The following NR6A1 variants were observed in gnomAD, a reference collection of about 807,000 sequenced individuals.
The protein encoded by NR6A1 is nuclear receptor subfamily 6 group A member 1, also known as retinoic acid receptor-related testis-associated receptor.
Under a neutral mutation model 59.1 loss-of-function variants are expected in NR6A1, and 7 were observed. The observed-to-expected ratio is 0.12, with a 90% CI of 0.07 to 0.22. The LOEUF (loss-of-function observed/expected upper bound fraction) is 0.22, where lower values mean the gene tolerates loss of function less well. Among genes scored for constraint, NR6A1 ranks in the 10% least tolerant of loss-of-function variants. The pLI is 1.00. For synonymous variants in NR6A1, 243 were observed against 236.1 expected, an observed-to-expected ratio of 1.03 and a Z score of -0.27; for missense variants, 468 against 611.6, an observed-to-expected ratio of 0.77 and a Z score of 2.48.
intron 1 of NR6A1, among the ~76,000 whole-genome samples, chr9:124,748,297 C>T (rs1015777422): frequency 2.0e-5 from 3 of 152,064 alleles, no homozygotes; most frequent in African/African-American, 7.2e-5. Context: ...ATGAGTTTAT[C>T]AAAAGTTGCA....
Position 124,522,565 on chromosome 9 carries a change from AC to A in NR6A1, c.*139del. The A allele has an allele frequency of 1.8e-6, 1 of 556,124 alleles. No individual in the cohort carries two copies. Among genetic ancestry groups the A allele is most frequent in the East Asian group, 3.1e-5 (1 of 32,770 alleles). The allele number at this position is 556,124 out of a possible 1,614,324, so 34.4% of individuals were successfully genotyped here. On this transcript the variant is annotated 3_prime_UTR_variant, in exon 10 of 10. Coordinates refer to ENST00000487099, the MANE Select transcript of NR6A1 (RefSeq NM_033334.4). ...TGAGGTTAAAAAAACAGACAAACAA[AC>A]AAAAACTCTTCTTGCTATGGAGGCA... is the stretch of plus-strand genomic sequence containing the variant.
At chr9:124,563,001 T>C (rs868393653) in intron 2 of NR6A1, among the ~76,000 whole-genome samples, 3 of 152,236 alleles carry the variant, frequency 2.0e-5, no homozygotes, top group African/African-American at 7.2e-5. Flanking sequence ...GGTCTTGTTT[T>C]ACAACAGCTG....
chr9:124,551,352 C>T (rs1431265087), intron 3 of NR6A1, among the ~76,000 whole-genome samples: 1 of 152,174 alleles, frequency 6.6e-6, no homozygotes, highest in African/African-American at 2.4e-5. Flanking sequence ...TACACTGATT[C>T]CAATCTAGCA....
In NR6A1 at chr9:124,538,277, C is replaced by A; in HGVS notation, c.639G>T (p.Gln213His). The change falls in exon 6 of 10, where the codon CAG becomes CAT. Residue 213 changes from glutamine to histidine, a missense_variant. Physicochemically the swap from Gln to His is conservative, Grantham distance 24. Transcript: ENST00000487099. ...GTGGAGGCACAGACATTCCCATGTA[C>A]TGTTCCCTGAAGGCCATGAATCCAT... is the stretch of plus-strand genomic sequence containing the variant. ...ELNGFMAFREQYMGMSVPPHY... is the reference protein window; with the variant it reads ...ELNGFMAFREHYMGMSVPPHY... The A allele has an allele frequency of 1.9e-6, 3 of 1,614,192 alleles. No homozygotes were observed. The highest frequency in any genetic ancestry group is 2.5e-6 in the Non-Finnish European group (3 of 1,180,016).
chr9:124,614,264 C>T (rs553132376), intron 2 of NR6A1, among the ~76,000 whole-genome samples: 1 of 152,168 alleles, frequency 6.6e-6, no homozygotes, highest in South Asian at 2.1e-4. Context: ...GATCAGTGCA[C>T]ATATACGAGA....
intron 2 of NR6A1, among the ~76,000 whole-genome samples, chr9:124,729,453 G>A (rs1157917794): frequency 1.3e-5 from 2 of 152,070 alleles, no homozygotes; most frequent in Non-Finnish European, 2.9e-5. Context: ...GGCATGTGGT[G>A]TGCACATGTA....
At chr9:124,563,670 T>C (rs1564180664) in intron 2 of NR6A1, among the ~76,000 whole-genome samples, 3 of 152,240 alleles carry the variant, frequency 2.0e-5, no homozygotes, top group South Asian at 2.1e-4. Context: ...CCCCTGCTTA[T>C]AGAGTTCAAC....
At chr9:124,611,683 A>T (rs1419217239) in intron 2 of NR6A1, among the ~76,000 whole-genome samples, 1 of 150,712 alleles carries the variant, frequency 6.6e-6, no homozygotes, top group Non-Finnish European at 1.5e-5. Context: ...TAGGAGGTCG[A>T]GGCTCCAGTG....
intron 2 of NR6A1, among the ~76,000 whole-genome samples, chr9:124,638,976 A>G (rs1836696525): frequency 6.6e-6 from 1 of 152,184 alleles, no homozygotes; most frequent in Non-Finnish European, 1.5e-5. Flanking sequence ...GGGAGCTACA[A>G]GTACATAGGT....
intron 2 of NR6A1, among the ~76,000 whole-genome samples, chr9:124,612,486 C>T (rs1380080532): frequency 6.6e-6 from 1 of 152,206 alleles, no homozygotes; most frequent in Non-Finnish European, 1.5e-5. Flanking sequence ...GATACCCCAG[C>T]ATCTCTTCAG....
At position 124,730,954 on chromosome 9, in the gene NR6A1, G is replaced by A. The variant is rs561708808; in HGVS notation, c.142+2354C>T. 5.9e-4 allele frequency among the ~76,000 whole-genome samples: 90 copies of A among 152,300 alleles called. 1 individual carries two copies. In the South Asian group the frequency reaches 0.018, roughly 31 times the overall value. ...CCTAGAGTCTAGAGAACTGGGTGTG[G>A]AGCAGAGAGAACACTCAGTGCTTAA... On this transcript the variant is annotated intron_variant, in intron 2 of 9. Transcript: ENST00000487099.
chr9:124,621,347 G>A (rs1588715485), intron 2 of NR6A1, among the ~76,000 whole-genome samples: 1 of 152,068 alleles, frequency 6.6e-6, no homozygotes, highest in Non-Finnish European at 1.5e-5. Flanking sequence ...GCATACATTG[G>A]GGATTCAAGA....
rs1448678846 is a variant in NR6A1 at position 124,752,344 on chromosome 9, CAAATTA to C, written c.100+18670_100+18675del. The stretch of plus-strand genomic sequence containing the variant: ...ATTCAAAAAGTTTTAAAGATAAAAT[CAAATTA>C]AAATTAAACAATCAATTTTTTTAAA... On this transcript the variant is annotated intron_variant, in intron 1 of 9. Coordinates refer to ENST00000487099, the MANE Select transcript of NR6A1 (RefSeq NM_033334.4). Among the ~76,000 whole-genome samples, 3 of 152,052 alleles carry C rather than the reference CAAATTA, an allele frequency of 2.0e-5. No homozygotes were observed. The East Asian group carries it at 5.8e-4, about 29-fold the overall frequency.
chr9:124,729,161 T>C (rs1038254538), intron 2 of NR6A1, among the ~76,000 whole-genome samples: 9 of 152,142 alleles, frequency 5.9e-5, no homozygotes, highest in African/African-American at 2.4e-5. Context: ...TAGAGATAAG[T>C]TGGGAAGATA....
chr9:124,535,950 T>C lies in NR6A1; in HGVS notation c.1007A>G (p.Tyr336Cys). Residue 336 changes from tyrosine (Y) to cysteine (C), a missense_variant, in exon 7 of 10, where the codon TAC (tyrosine) becomes TGC (cysteine). Tyr to Cys is a radical substitution (Grantham distance 194). This residue lies in a region of NR6A1 where 176 missense variants were observed against 264.0 expected (regional missense o/e 0.67). Coordinates refer to ENST00000487099, the MANE Select transcript of NR6A1 (RefSeq NM_033334.4). ...CAGTTCCCCAAAGATCTGCTTGCTGTAAACGGTGAGGGAAGACAGCAGGAT... is the reference window on the plus strand; with the variant it reads ...CAGTTCCCCAAAGATCTGCTTGCTGCAAACGGTGAGGGAAGACAGCAGGAT... ...ELILLSSLTV[Y>C]SKQIFGELAD... 6.2e-7 allele frequency: 1 copy of C among 1,614,162 alleles called. No individual in the cohort carries two copies. The highest frequency in any genetic ancestry group is 8.5e-7 in the Non-Finnish European group (1 of 1,180,024).
chr9:124,634,690 C>T (rs1211138499), intron 2 of NR6A1, among the ~76,000 whole-genome samples: 5 of 152,058 alleles, frequency 3.3e-5, no homozygotes, highest in East Asian at 1.9e-4. Context: ...GGCATGGTGG[C>T]GGGCGCCTGT....
intron 3 of NR6A1, among the ~76,000 whole-genome samples, chr9:124,545,015 A>G (rs77519746): frequency 1.6e-3 from 246 of 152,262 alleles, no homozygotes; most frequent in African/African-American, 5.7e-3. Context: ...AAATTAACAT[A>G]AGGAATCTAG....
chr9:124,686,120 T>C (rs1470529899), intron 2 of NR6A1, among the ~76,000 whole-genome samples: 1 of 152,196 alleles, frequency 6.6e-6, no homozygotes, highest in African/African-American at 2.4e-5. Context: ...ATCTATACTC[T>C]ACCTGAGGCA....
intron 2 of NR6A1, chr9:124,598,647 T>TA (rs34357133): frequency 0.35 from 56,690 of 160,656 alleles, 9,894 homozygotes; most frequent in African/African-American, 0.46. Flanking sequence ...AGAGTAAAAT[T>TA]AAAAAAAAAA....
Sources: gnomAD v4.1 joint callset for allele counts (sites outside exome capture counted in the v4.1 genomes callset) on GRCh38, gnomAD v4.1.1 for gene constraint, gnomAD v4.1.1 regional missense constraint, MANE v1.5 for transcripts, NCBI Gene and HGNC (gene_info 2026-07-23, HGNC 2026-07-21) for gene names.